The following ESRRG variants were observed in gnomAD, a reference collection of about 807,000 sequenced individuals.
ESRRG encodes the protein estrogen-related receptor gamma.
A neutral mutation model predicts 44.0 loss-of-function variants in ESRRG; 13 were observed. The observed-to-expected ratio is 0.30, with a 90% confidence interval of 0.19 to 0.47. The LOEUF (loss-of-function observed/expected upper bound fraction) is 0.47. ESRRG is among the 20% of genes least tolerant of loss of function. The pLI is 1.00. For synonymous variants in ESRRG, 215 were observed against 214.6 expected (o/e 1.00, Z -0.02); for missense variants, 395 against 580.6 (o/e 0.68, Z 3.29).
chr1:216,796,538 T>C (rs1436526290), intron 2 of ESRRG, among the ~76,000 whole-genome samples: 1 of 152,188 alleles, frequency 6.6e-6, no homozygotes, highest in Non-Finnish European at 1.5e-5. Context: ...GAAACCAGCA[T>C]TTGAGCGGCT....
intron 1 of ESRRG, among the ~76,000 whole-genome samples, chr1:216,719,748 A>G (rs1473676456): frequency 6.6e-6 from 1 of 152,052 alleles, no homozygotes; most frequent in African/African-American, 2.4e-5. Flanking sequence ...ATGCAAGAGA[A>G]TTAATGGATA....
intron 1 of ESRRG, among the ~76,000 whole-genome samples, chr1:217,022,214 A>C (rs984272517): frequency 6.6e-6 from 1 of 152,182 alleles, no homozygotes; most frequent in Non-Finnish European, 1.5e-5. Context: ...GATTATTTGA[A>C]CTGTGGAGCC....
At chr1:217,090,132 AT>A (rs918992464), upstream of ESRRG, among the ~76,000 whole-genome samples, 1 of 151,848 alleles carries the variant, frequency 6.6e-6, no homozygotes, top group African/African-American at 2.4e-5. Context: ...TATGCGTGTG[AT>A]TTTTTTCCCC....
intron 5 of ESRRG, among the ~76,000 whole-genome samples, chr1:216,553,487 A>C (rs921275534): frequency 4.6e-5 from 7 of 152,180 alleles, no homozygotes; most frequent in African/African-American, 1.7e-4. Context: ...TGGACTTTCT[A>C]ATATTAACAA....
chr1:216,795,181 T>G (rs149409196), intron 2 of ESRRG, among the ~76,000 whole-genome samples: 76 of 152,230 alleles, frequency 5.0e-4, no homozygotes, highest in Middle Eastern at 3.4e-3. Flanking sequence ...CGAAGTAATG[T>G]GTTCTAAAGA....
intron 3 of ESRRG, among the ~76,000 whole-genome samples, chr1:216,625,761 T>G (rs1341152546): frequency 1.6e-4 from 24 of 152,218 alleles, no homozygotes; most frequent in Non-Finnish European, 2.4e-4. Flanking sequence ...AAGAATCAAA[T>G]GAGCTTCTAC....
In ESRRG at chr1:216,934,241, C is replaced by T. The variant is rs577497144; in HGVS notation, c.-14+5341G>A. 3.9e-5 allele frequency among the ~76,000 whole-genome samples: 6 copies of T among 152,230 alleles called. No homozygotes were observed. The South Asian group carries it at 1.2e-3, about 32-fold the overall frequency. On this transcript the variant is annotated intron_variant, in intron 2 of 7. Transcript: ENST00000359162. Reference sequence around the variant, plus strand: ...TTGAGGTCAGGAGTTCAAGACCAGTCTGGCCAACATGGCGAAACCCCGTCT... The same window carrying T: ...TTGAGGTCAGGAGTTCAAGACCAGTTTGGCCAACATGGCGAAACCCCGTCT...
At chr1:216,979,622 C>T (rs2073591303) in intron 1 of ESRRG, among the ~76,000 whole-genome samples, 1 of 152,056 alleles carries the variant, frequency 6.6e-6, no homozygotes, top group Non-Finnish European at 1.5e-5. Flanking sequence ...CAAACTGTGC[C>T]TCTGTTTCCT....
At chr1:216,934,213 C>T (rs2149857504) in intron 2 of ESRRG, among the ~76,000 whole-genome samples, 1 of 152,212 alleles carries the variant, frequency 6.6e-6, no homozygotes, top group Non-Finnish European at 1.5e-5. Flanking sequence ...GTGGGTGGAT[C>T]ACTTGAGGTC....
intron 3 of ESRRG, among the ~76,000 whole-genome samples, chr1:216,638,227 A>G (rs1319553358): frequency 6.6e-6 from 1 of 152,190 alleles, no homozygotes; most frequent in African/African-American, 2.4e-5. Context: ...AATATTACAT[A>G]TATTATCTCA....
chr1:216,732,476 A>C (rs910377845), intron 2 of ESRRG, among the ~76,000 whole-genome samples: 7 of 151,666 alleles, frequency 4.6e-5, no homozygotes, highest in African/African-American at 1.7e-4. Flanking sequence ...TCCCGGATTC[A>C]AGCTATTCTC....
intron 3 of ESRRG, among the ~76,000 whole-genome samples, chr1:216,569,892 G>GAAC (rs1410838224): frequency 1.3e-5 from 2 of 152,170 alleles, no homozygotes; most frequent in Admixed American, 1.3e-4. Flanking sequence ...CATAGCACAT[G>GAAC]CAGTGTTTTG....
chr1:216,503,446 A>G lies in ESRRG; in HGVS notation c.*3493T>C, dbSNP rs1158704630. 6.6e-6 allele frequency: 1 copy of G among 152,582 alleles called. No homozygotes were observed. Among genetic ancestry groups the G allele is most frequent in the Non-Finnish European group, 1.5e-5 (1 of 68,010 alleles). 9.5% of individuals were successfully genotyped at this position (152,582 alleles called of 1,614,324 possible). A position where few individuals can be genotyped will look rare whatever the true frequency, so the allele number is the denominator to read the frequency against. On this transcript the variant is annotated 3_prime_UTR_variant, in exon 7 of 7. Transcript: ENST00000408911. Reference sequence around the variant, plus strand: ...ACACAGTATGGTACACATCACAAAAATATACAATTGATTGCTTTACAGATG... The same window carrying G: ...ACACAGTATGGTACACATCACAAAAGTATACAATTGATTGCTTTACAGATG...
At chr1:217,102,271 A>G (rs1406659257) in intron 1 of ESRRG, among the ~76,000 whole-genome samples, 2 of 152,228 alleles carry the variant, frequency 1.3e-5, no homozygotes, top group Non-Finnish European at 2.9e-5. Context: ...CTGGGGTTCA[A>G]TCAGCAAGTA....
At chr1:216,752,958 A>AT (rs111390608) in intron 2 of ESRRG, among the ~76,000 whole-genome samples, 16 of 151,998 alleles carry the variant, frequency 1.1e-4, no homozygotes, top group African/African-American at 2.9e-4. Context: ...CCTTCTCACT[A>AT]TTTTTTTTCA....
At position 216,568,051 on chromosome 1, in the gene ESRRG, T is replaced by C. The variant is rs1573153396; in HGVS notation, c.637A>G (p.Arg213Gly). ...VRGGRQKYKR[R>G]IDAENSPYLN... The stretch of plus-strand genomic sequence containing the variant: ...TATGGGCTGTTCTCCGCATCTATCC[T>C]GCGCTTGTACTTCTGCCGACCTCCA... Residue 213 changes from arginine (R) to glycine (G), a missense_variant, in exon 4 of 7, where the codon AGG becomes GGG. By Grantham distance (125) the Arg-to-Gly change is moderately radical. This residue lies in a region of ESRRG where 37 missense variants were observed against 32.9 expected (regional missense o/e 1.13). Coordinates refer to ENST00000408911, the MANE Select transcript of ESRRG (RefSeq NM_001438.4). 1 of 1,613,960 alleles carries C rather than the reference T, an allele frequency of 6.2e-7. No homozygotes were observed. The highest frequency in any genetic ancestry group is 1.7e-4 in the Middle Eastern group (1 of 6,060).
chr1:216,727,941 C>T (rs373075157), upstream of ESRRG, among the ~76,000 whole-genome samples: 66 of 152,222 alleles, frequency 4.3e-4, 1 homozygote, highest in African/African-American at 1.5e-3. Context: ...CTAATAGAGG[C>T]AATTCAGTTT....
At chr1:217,044,436 T>C (rs750671690) in intron 1 of ESRRG, among the ~76,000 whole-genome samples, 1 of 152,180 alleles carries the variant, frequency 6.6e-6, no homozygotes, top group Non-Finnish European at 1.5e-5. Context: ...GTTTCTTCTA[T>C]ATTAAATTAA....
intron 1 of ESRRG, among the ~76,000 whole-genome samples, chr1:217,049,878 G>A (rs1477148677): frequency 6.6e-6 from 1 of 152,202 alleles, no homozygotes; most frequent in Non-Finnish European, 1.5e-5. Flanking sequence ...AGTGAAAGCA[G>A]CTGGTCTTCT....
Sources: allele counts gnomAD v4.1 joint callset (sites outside exome capture counted in the v4.1 genomes callset), GRCh38; gene constraint gnomAD v4.1.1; regional missense constraint gnomAD v4.1.1; transcripts MANE v1.5; gene names NCBI Gene and HGNC (gene_info 2026-07-23, HGNC 2026-07-21).